The following AGAP1 variants were observed in gnomAD, a reference collection of about 807,000 sequenced individuals.
The protein encoded by AGAP1 is arf-GAP with GTPase, ANK repeat and PH domain-containing protein 1.
In AGAP1, 29 loss-of-function variants were observed where a neutral mutation model predicts 105.3. The observed-to-expected ratio is 0.28, with a 90% CI of 0.21 to 0.38. The LOEUF (loss-of-function observed/expected upper bound fraction) is 0.38, where lower values mean the gene tolerates loss of function less well. Among genes scored for constraint, AGAP1 ranks in the 10% least tolerant of loss-of-function variants. The probability of loss-of-function intolerance (pLI) is 1.00; values close to 1 mark genes in which losing one functional copy is unlikely to be tolerated. For synonymous variants in AGAP1, 509 were observed against 485.9 expected (o/e 1.05, Z -0.63); for missense variants, 998 against 1,165.1 (o/e 0.86, Z 2.09).
At chr2:236,108,324 G>T (rs1464269385) in intron 16 of AGAP1, among the ~76,000 whole-genome samples, 1 of 152,132 alleles carries the variant, frequency 6.6e-6, no homozygotes, top group Non-Finnish European at 1.5e-5. Context: ...CTTGAGGCAG[G>T]AAGCACTCTG....
intron 8 of AGAP1, among the ~76,000 whole-genome samples, chr2:235,803,044 T>A (rs1957636171): frequency 2.0e-5 from 3 of 147,650 alleles, no homozygotes; most frequent in Non-Finnish European, 4.5e-5. Context: ...ATGGTGATGA[T>A]GGTTGTGGTG....
At chr2:236,010,124 A>C (rs1215004363) in intron 13 of AGAP1, among the ~76,000 whole-genome samples, 3 of 152,044 alleles carry the variant, frequency 2.0e-5, no homozygotes, top group South Asian at 4.1e-4. Context: ...GTAAAAAAAA[A>C]AAAAACAAAA....
intron 12 of AGAP1, among the ~76,000 whole-genome samples, chr2:235,948,953 C>A (rs879655486): frequency 3.9e-5 from 6 of 152,172 alleles, no homozygotes; most frequent in Admixed American, 6.5e-5. Flanking sequence ...TATTTACAAA[C>A]GCAGTGTCCA....
chr2:235,974,428 A>G (rs1429534638), intron 13 of AGAP1, among the ~76,000 whole-genome samples: 1 of 152,230 alleles, frequency 6.6e-6, no homozygotes, highest in Non-Finnish European at 1.5e-5. Flanking sequence ...GGATTTACCC[A>G]ATCTTATTAT....
chr2:235,614,069 T>G lies in AGAP1; in HGVS notation c.164-95110T>G, dbSNP rs557670927. On this transcript the variant is annotated intron_variant, in intron 1 of 17. Transcript: ENST00000304032. The surrounding 1 kb of genome is among the most constrained non-coding windows in gnomAD (Gnocchi z 4.7). ...AATACTCAAAAGCACTAAGTTTTCT[T>G]GCGTGGTATCTGTTCATATATTGAT... is the stretch of plus-strand genomic sequence containing the variant. 1.3e-5 allele frequency among the ~76,000 whole-genome samples: 2 copies of G among 152,326 alleles called. No individual in the cohort carries two copies. Among genetic ancestry groups the G allele is most frequent in the African/African-American group, 4.8e-5 (2 of 41,578 alleles).
At chr2:235,742,165 C>T (rs1449386246) in intron 4 of AGAP1, among the ~76,000 whole-genome samples, 2 of 152,094 alleles carry the variant, frequency 1.3e-5, no homozygotes, top group South Asian at 2.1e-4. Context: ...TTTTTGTGAA[C>T]GGGCAGCATA....
chr2:236,076,821 A>G lies in AGAP1; in HGVS notation c.2114+27540A>G, dbSNP rs2125819122. On this transcript the variant is annotated intron_variant, in intron 16 of 17. Transcript: ENST00000304032. This position sits in a 1 kb window ranked among gnomAD's most constrained non-coding sequence, Gnocchi z 4.4. ...TGACTGTATCCTACAGAGTAGAAAA[A>G]TAGTCCCAGCACAGGGTCTCATGCC... 6.6e-6 allele frequency among the ~76,000 whole-genome samples: 1 copy of G among 151,968 alleles called. No individual in the cohort carries two copies. The highest frequency in any genetic ancestry group is 1.5e-5 in the Non-Finnish European group (1 of 67,952).
rs1310093701 is a variant in AGAP1 at position 235,733,875 on chromosome 2, T to G, written c.311-7088T>G. Among the ~76,000 whole-genome samples, 1 of 152,230 alleles carries G rather than the reference T, an allele frequency of 6.6e-6. No individual in the cohort carries two copies. On this transcript the variant is annotated intron_variant, in intron 3 of 17. Transcript: ENST00000304032. This position sits in a 1 kb window ranked among gnomAD's most constrained non-coding sequence, Gnocchi z 5.0. The stretch of plus-strand genomic sequence containing the variant: ...GTTGGGAGAGGAAGTGAAATCTGAT[T>G]TGGCTAAATTTTGTAAACAAAGATG...
intron 1 of AGAP1, among the ~76,000 whole-genome samples, chr2:235,589,599 C>T (rs538617551): frequency 2.1e-4 from 32 of 152,250 alleles, no homozygotes; most frequent in Non-Finnish European, 4.1e-4. Context: ...GGACCATGTC[C>T]GCTCTAGGTG....
At chr2:235,838,405 GGAA>G (rs1216406435) in intron 9 of AGAP1, among the ~76,000 whole-genome samples, 1 of 152,174 alleles carries the variant, frequency 6.6e-6, no homozygotes, top group African/African-American at 2.4e-5. Flanking sequence ...TATGGTAGGA[GGAA>G]GAAGAGGCAC....
chr2:235,844,325 G>GGCT (rs1330433699), intron 9 of AGAP1, among the ~76,000 whole-genome samples: 6 of 152,274 alleles, frequency 3.9e-5, no homozygotes, highest in Admixed American at 3.3e-4. Flanking sequence ...GAACAGGGAG[G>GGCT]GCAGCTCCCA....
intron 1 of AGAP1, among the ~76,000 whole-genome samples, chr2:235,672,059 A>AT (rs1948463599): frequency 1.3e-5 from 2 of 152,090 alleles, no homozygotes; most frequent in African/African-American, 4.8e-5. Context: ...CAAAAAAAAA[A>AT]ATATTATTCA....
intron 1 of AGAP1, among the ~76,000 whole-genome samples, chr2:235,571,676 A>T (rs542360358): frequency 6.6e-6 from 1 of 152,138 alleles, no homozygotes; most frequent in East Asian, 1.9e-4. Context: ...ATTAAAGGCA[A>T]CTCACCTGGG....
intron 6 of AGAP1, among the ~76,000 whole-genome samples, chr2:235,762,263 C>T (rs899232184): frequency 3.3e-5 from 5 of 152,064 alleles, no homozygotes; most frequent in Admixed American, 6.6e-5. Flanking sequence ...AATAGTAATC[C>T]TTTTTAAGTT....
At chr2:235,681,669 A>G (rs1221099514) in intron 1 of AGAP1, among the ~76,000 whole-genome samples, 1 of 152,212 alleles carries the variant, frequency 6.6e-6, no homozygotes, top group Non-Finnish European at 1.5e-5. Flanking sequence ...TTTCATCTGT[A>G]CTGTTAGCAT....
intron 1 of AGAP1, among the ~76,000 whole-genome samples, chr2:235,669,288 A>G (rs962362579): frequency 2.0e-5 from 3 of 152,182 alleles, no homozygotes; most frequent in African/African-American, 7.2e-5. Flanking sequence ...AACAAGTCAC[A>G]TGAGTTGCAT....
At position 236,104,687 on chromosome 2, in the gene AGAP1, A is replaced by G. The variant is rs1013421781; in HGVS notation, c.2115-15505A>G. Reference sequence around the variant, plus strand: ...GGGTGGATCACAAGGGCAGGAGGTCAAGTCTAGCCTGGCCAACATGGTGAA... The same window carrying G: ...GGGTGGATCACAAGGGCAGGAGGTCGAGTCTAGCCTGGCCAACATGGTGAA... On this transcript the variant is annotated intron_variant, in intron 16 of 17. Transcript: ENST00000304032. The surrounding 1 kb of genome is among the most constrained non-coding windows in gnomAD (Gnocchi z 4.7). 6.6e-6 allele frequency among the ~76,000 whole-genome samples: 1 copy of G among 152,168 alleles called. No individual in the cohort carries two copies. Among genetic ancestry groups the G allele is most frequent in the Admixed American group, 6.5e-5 (1 of 15,280 alleles).
rs1295224039 is a variant in AGAP1 at position 235,877,053 on chromosome 2, G to T, written c.1051-6292G>T. Among the ~76,000 whole-genome samples, 8 of 151,838 alleles carry T rather than the reference G, an allele frequency of 5.3e-5. No homozygotes were observed. The highest frequency in any genetic ancestry group is 1.2e-4 in the Non-Finnish European group (8 of 67,994). ...AGTAGAGTTGGGGCTTCACCATTTGGTCAGGCTGGTCTCAAACTCCTGACC... is the reference window on the plus strand; with the variant it reads ...AGTAGAGTTGGGGCTTCACCATTTGTTCAGGCTGGTCTCAAACTCCTGACC... On this transcript the variant is annotated intron_variant, in intron 9 of 17. Coordinates refer to ENST00000304032, the MANE Select transcript of AGAP1 (RefSeq NM_001037131.3). This position sits in a 1 kb window ranked among gnomAD's most constrained non-coding sequence, Gnocchi z 4.3.
chr2:235,958,767 C>T lies in AGAP1; in HGVS notation c.1484-9695C>T, dbSNP rs566654176. Among the ~76,000 whole-genome samples the T allele has an allele frequency of 1.3e-5, 2 of 152,244 alleles. No homozygotes were observed. The highest frequency in any genetic ancestry group is 3.9e-4 in the East Asian group (2 of 5,176). ...GATAGCTAAGAATACATTCCTGGCCCATCAGTCTCAAGCAGGCTGCTTGAT... is the reference window on the plus strand; with the variant it reads ...GATAGCTAAGAATACATTCCTGGCCTATCAGTCTCAAGCAGGCTGCTTGAT... On this transcript the variant is annotated intron_variant, in intron 12 of 17. Coordinates refer to ENST00000304032, the MANE Select transcript of AGAP1 (RefSeq NM_001037131.3). The surrounding 1 kb of genome is among the most constrained non-coding windows in gnomAD (Gnocchi z 4.1).
Sources: gnomAD v4.1 joint callset for allele counts (sites outside exome capture counted in the v4.1 genomes callset) on GRCh38, gnomAD v4.1.1 for gene constraint, Gnocchi (gnomAD v3.1) non-coding constraint, MANE v1.5 for transcripts, NCBI Gene and HGNC (gene_info 2026-07-23, HGNC 2026-07-21) for gene names.